LRP1B: variants seen among roughly 807,000 people sequenced by gnomAD.
The protein encoded by LRP1B is LDL receptor related protein 1B, also known as low-density lipoprotein receptor-related protein 1B.
Under a neutral mutation model 556.6 loss-of-function variants are expected in LRP1B, and 217 were observed. The ratio of observed to expected loss-of-function variants is 0.39; its 90% CI spans 0.35 to 0.44. The LOEUF (loss-of-function observed/expected upper bound fraction) is 0.44. Among genes scored for constraint, LRP1B ranks in the 20% least tolerant of loss-of-function variants. The pLI is 1.00. For synonymous variants in LRP1B, 2,047 were observed against 1,865.8 expected (o/e 1.10, Z -2.50); for missense variants, 5,053 against 5,620.8 (o/e 0.90, Z 3.23).
At chr2:141,306,331 T>A (rs552176047) in intron 3 of LRP1B, among the ~76,000 whole-genome samples, 2 of 152,194 alleles carry the variant, frequency 1.3e-5, no homozygotes, top group African/African-American at 4.8e-5. Context: ...GTTCTTCAGG[T>A]TTTCTCTTTC....
intron 1 of LRP1B, among the ~76,000 whole-genome samples, chr2:142,085,084 T>C (rs1234338709): frequency 6.6e-6 from 1 of 152,176 alleles, no homozygotes; most frequent in Non-Finnish European, 1.5e-5. Flanking sequence ...CGTTAAAATT[T>C]ACAACTCAGA....
intron 20 of LRP1B, among the ~76,000 whole-genome samples, chr2:140,947,942 A>G (rs1695590456): frequency 1.3e-5 from 2 of 152,198 alleles, no homozygotes; most frequent in Non-Finnish European, 2.9e-5. Context: ...ACAGTAATCT[A>G]CTAGTGAAAA....
chr2:140,979,646 A>G (rs1159543000), intron 18 of LRP1B, among the ~76,000 whole-genome samples: 5 of 152,196 alleles, frequency 3.3e-5, no homozygotes, highest in Non-Finnish European at 7.3e-5. Flanking sequence ...TAAAACATTT[A>G]CCAACACAAC....
chr2:141,097,065 C>G (rs1243667446), intron 7 of LRP1B, among the ~76,000 whole-genome samples: 1 of 152,154 alleles, frequency 6.6e-6, no homozygotes, highest in Non-Finnish European at 1.5e-5. Flanking sequence ...CCTAGCATAG[C>G]AGCTGACACA....
chr2:140,320,155 G>A (rs1046679570), intron 82 of LRP1B, among the ~76,000 whole-genome samples: 1 of 152,080 alleles, frequency 6.6e-6, no homozygotes, highest in Non-Finnish European at 1.5e-5. Context: ...AATTCTGACT[G>A]ATCCCCTATT....
chr2:140,239,377 T>C, intron 88 of LRP1B, 65 bp downstream of exon 88: 2 of 1,010,310 alleles, frequency 2.0e-6, no homozygotes, highest in South Asian at 1.6e-5. Flanking sequence ...ACAACAAACA[T>C]TATGTTTCTG....
chr2:141,725,095 T>C (rs756935764), intron 2 of LRP1B, among the ~76,000 whole-genome samples: 1 of 151,908 alleles, frequency 6.6e-6, no homozygotes, highest in South Asian at 2.1e-4. Context: ...AAGTATCACA[T>C]AGTTCATTCC....
chr2:141,931,643 T>A (rs1700509651), intron 1 of LRP1B, among the ~76,000 whole-genome samples: 1 of 152,046 alleles, frequency 6.6e-6, no homozygotes, highest in Admixed American at 6.6e-5. Flanking sequence ...ATTGAGGGTT[T>A]AAAAAATTTT....
intron 22 of LRP1B, among the ~76,000 whole-genome samples, chr2:140,906,579 A>T (rs1694260588): frequency 6.6e-6 from 1 of 152,120 alleles, no homozygotes. Flanking sequence ...TATTTTAATT[A>T]TAAGAAAACC....
At chr2:141,225,919 G>A (rs1683227551) in intron 6 of LRP1B, among the ~76,000 whole-genome samples, 1 of 151,972 alleles carries the variant, frequency 6.6e-6, no homozygotes, top group Non-Finnish European at 1.5e-5. Context: ...TCGTATAACT[G>A]TCTCCCACTT....
At chr2:141,519,395 A>T (rs1193922150) in intron 2 of LRP1B, among the ~76,000 whole-genome samples, 1 of 21,198 alleles carries the variant, frequency 4.7e-5, no homozygotes. Context: ...ATATATATAT[A>T]TATATATGAA....
chr2:141,905,716 T>C (rs544508207), intron 1 of LRP1B, among the ~76,000 whole-genome samples: 1 of 149,250 alleles, frequency 6.7e-6, no homozygotes, highest in South Asian at 2.1e-4. Flanking sequence ...CAAGCCACCT[T>C]CATTCATATA....
At chr2:141,242,321 T>C (rs1296761701) in intron 5 of LRP1B, among the ~76,000 whole-genome samples, 1 of 152,122 alleles carries the variant, frequency 6.6e-6, no homozygotes, top group African/African-American at 2.4e-5. Context: ...TGTTAGTAGA[T>C]GTTAAATCCC....
intron 3 of LRP1B, among the ~76,000 whole-genome samples, chr2:141,367,643 C>T (rs1053318679): frequency 5.3e-5 from 8 of 151,332 alleles, no homozygotes; most frequent in Admixed American, 1.3e-4. Context: ...CCACCATGCC[C>T]GGCTAATTTT....
rs140579566 is a variant in LRP1B, at chr2:141,169,011, C to T, written c.1013+19410G>A. Among the ~76,000 whole-genome samples, 277 of 151,868 alleles carry T rather than the reference C, an allele frequency of 1.8e-3. 1 individual carries two copies. The highest frequency in any genetic ancestry group is 6.0e-3 in the African/African-American group (248 of 41,418). On this transcript the variant is annotated intron_variant, in intron 7 of 90. Coordinates refer to ENST00000389484, the MANE Select transcript of LRP1B (RefSeq NM_018557.3). ...GTTAGAAGAGATGGGACTGGCCAGG[C>T]GCGGTGGCTCAGGCCTATAATCCCA...
At chr2:140,594,222 A>C (rs1421591839) in intron 43 of LRP1B, among the ~76,000 whole-genome samples, 2 of 152,234 alleles carry the variant, frequency 1.3e-5, no homozygotes, top group East Asian at 3.9e-4. Flanking sequence ...CACTTGCCTC[A>C]GCCTCCCAAA....
chr2:140,242,038 G>T (rs950690225), intron 87 of LRP1B, among the ~76,000 whole-genome samples: 4 of 150,958 alleles, frequency 2.6e-5, no homozygotes, highest in African/African-American at 9.7e-5. Flanking sequence ...TTAGAAGAAA[G>T]AACTATAAGT....
chr2:140,442,417 G>A (rs1217296984), intron 66 of LRP1B, 87 bp downstream of exon 66: 1 of 1,495,724 alleles, frequency 6.7e-7, no homozygotes, highest in African/African-American at 1.4e-5. Flanking sequence ...AGCTTCAAAA[G>A]AATTGTGTTC....
chr2:140,640,630 A>T (rs1380101535), intron 41 of LRP1B, among the ~76,000 whole-genome samples: 1 of 143,750 alleles, frequency 7.0e-6, no homozygotes, highest in South Asian at 2.2e-4. Context: ...TGATCCGCCC[A>T]CCTCGGCCTC....
Sources: gnomAD v4.1 joint callset for allele counts (sites outside exome capture counted in the v4.1 genomes callset) on GRCh38, gnomAD v4.1.1 for gene constraint, MANE v1.5 for transcripts, NCBI Gene and HGNC (gene_info 2026-07-23, HGNC 2026-07-21) for gene names.